Variants in UTRN observed in about 807,000 individuals in gnomAD.
The protein encoded by UTRN is utrophin, also known as dystrophin-related protein 1.
In UTRN, 283 loss-of-function variants were observed where a neutral mutation model predicts 463.9. The ratio of observed to expected loss-of-function variants is 0.61; its 90% CI spans 0.55 to 0.67. The LOEUF is 0.67. Ranked by LOEUF, UTRN falls within the 30% of genes least tolerant of loss-of-function variation. The probability of loss-of-function intolerance (pLI) is 0.00; values close to 1 mark genes in which losing one functional copy is unlikely to be tolerated. For synonymous variants in UTRN, 1,442 were observed against 1,431.5 expected (o/e 1.01, Z -0.17); for missense variants, 3,922 against 4,084.3 (o/e 0.96, Z 1.08).
intron 2 of UTRN, among the ~76,000 whole-genome samples, chr6:144,360,700 T>C (rs1053743261): frequency 6.6e-6 from 1 of 152,178 alleles, no homozygotes; most frequent in African/African-American, 2.4e-5. Flanking sequence ...TAGTATAAAT[T>C]CTCCAGCTCT....
At chr6:144,724,119 T>C (rs534402177) in intron 53 of UTRN, among the ~76,000 whole-genome samples, 1 of 151,694 alleles carries the variant, frequency 6.6e-6, no homozygotes, top group Non-Finnish European at 1.5e-5. Flanking sequence ...CTTGTTGAGA[T>C]AGTATTCCTG....
At position 144,531,137 on chromosome 6, in the gene UTRN, T is replaced by C. The variant is rs1207432709; in HGVS notation, c.5992T>C (p.Leu1998=). Residue 1998 remains leucine (L), a synonymous_variant, in exon 42 of 75, where the codon TTA becomes CTA. Coordinates refer to ENST00000367545, the MANE Select transcript of UTRN (RefSeq NM_007124.3). ...ACAGTGGATAACAGAGGCTGAAGAA[T>C]TACTGGTTGATACCTGTGCTCCAGG... The part of the protein sequence containing the change: ...LTQWITEAEE[L]LVDTCAPGGS... 4 of 1,614,034 alleles carry C rather than the reference T, an allele frequency of 2.5e-6. No homozygotes were observed. The highest frequency in any genetic ancestry group is 1.7e-5 in the Admixed American group (1 of 60,020).
intron 10 of UTRN, among the ~76,000 whole-genome samples, chr6:144,437,310 A>G (rs1786659665): frequency 6.6e-6 from 1 of 152,122 alleles, no homozygotes; most frequent in Admixed American, 6.6e-5. Context: ...CATAGTCAGC[A>G]TTTACTTTAA....
chr6:144,666,827 T>C (rs1780445738), intron 51 of UTRN, among the ~76,000 whole-genome samples: 1 of 152,192 alleles, frequency 6.6e-6, no homozygotes. Context: ...TCATCCTTGG[T>C]TGGGCCAGCT....
chr6:144,557,343 A>G, intron 50 of UTRN, 32 bp downstream of exon 50: 6 of 1,587,152 alleles, frequency 3.8e-6, no homozygotes, highest in Non-Finnish European at 5.2e-6. Context: ...GTAAATGTAT[A>G]TTGTCAAGTT....
intron 51 of UTRN, among the ~76,000 whole-genome samples, chr6:144,618,492 A>C (rs543146780): frequency 6.6e-6 from 1 of 152,262 alleles, no homozygotes; most frequent in South Asian, 2.1e-4. Flanking sequence ...ATGCTTATTT[A>C]TTAGGCATGC....
chr6:144,522,124 A>G lies in UTRN; in HGVS notation c.5686A>G (p.Asn1896Asp). ...ATTATCGCTTAATGTTCCAGAGCTC[A>G]ACACTGCTATTTACGAAGACTTCTC... ...VELSLNVPEL[N>D]TAIYEDFSFQ... The change falls in exon 40 of 75, where the codon AAC (asparagine) becomes GAC (aspartate). Residue 1896 changes from asparagine (N) to aspartate (D), a missense_variant. This residue lies in a region of UTRN where 2,349 missense variants were observed against 2,303.8 expected (regional missense o/e 1.02). Transcript: ENST00000367545. 6.3e-7 allele frequency: 1 copy of G among 1,582,038 alleles called. No individual in the cohort carries two copies.
At chr6:144,343,607 A>G (rs1231255938) in intron 2 of UTRN, among the ~76,000 whole-genome samples, 1 of 152,138 alleles carries the variant, frequency 6.6e-6, no homozygotes, top group Non-Finnish European at 1.5e-5. Flanking sequence ...GGCTGGAAAA[A>G]TTTGTCTAAA....
intron 51 of UTRN, among the ~76,000 whole-genome samples, chr6:144,580,578 C>T (rs1801880670): frequency 6.6e-6 from 1 of 151,958 alleles, no homozygotes; most frequent in South Asian, 2.1e-4. Flanking sequence ...GTTTCATTGC[C>T]CTGCTGCAAG....
chr6:144,433,644 A>G (rs1438391754), intron 9 of UTRN, among the ~76,000 whole-genome samples: 2 of 140,126 alleles, frequency 1.4e-5, no homozygotes, highest in African/African-American at 2.7e-5. Context: ...CCGGGCAGAG[A>G]CGCTCCTCAC....
At chr6:144,780,806 C>A (rs1775763534) in intron 60 of UTRN, among the ~76,000 whole-genome samples, 1 of 152,226 alleles carries the variant, frequency 6.6e-6, no homozygotes, top group South Asian at 2.1e-4. Context: ...ACACTGCAGT[C>A]CACCATTCCT....
At chr6:144,410,210 T>G (rs1351598591) in intron 3 of UTRN, among the ~76,000 whole-genome samples, 1 of 152,196 alleles carries the variant, frequency 6.6e-6, no homozygotes, top group Admixed American at 6.5e-5. Context: ...TTTGATTTTA[T>G]TTACCTTTAC....
At chr6:144,730,853 T>C (rs192284447) in intron 54 of UTRN, among the ~76,000 whole-genome samples, 1 of 151,342 alleles carries the variant, frequency 6.6e-6, no homozygotes, top group Non-Finnish European at 1.5e-5. Context: ...ATAATAAATA[T>C]ACAAAATATT....
At chr6:144,820,849 C>T (rs747863340) in intron 65 of UTRN, 33 bp from the exon 66 acceptor site, 3 of 1,593,790 alleles carry the variant, frequency 1.9e-6, no homozygotes, top group Non-Finnish European at 2.6e-6. Context: ...TTCCATTTTA[C>T]TGAGAGAAGT....
intron 21 of UTRN, among the ~76,000 whole-genome samples, chr6:144,460,171 C>T (rs1459833411): frequency 6.6e-6 from 1 of 151,996 alleles, no homozygotes; most frequent in Non-Finnish European, 1.5e-5. Context: ...AATCATATTC[C>T]ACTGTCAGAT....
chr6:144,337,148 GAGACACACACACAC>G (rs796456791), intron 2 of UTRN, among the ~76,000 whole-genome samples: 244 of 147,400 alleles, frequency 1.7e-3, no homozygotes, highest in Non-Finnish European at 2.6e-3. Flanking sequence ...CTCACACACA[GAGACACACACACAC>G]AGACACACAC....
chr6:144,346,177 C>CAAA lies in UTRN; in HGVS notation c.79+54282_79+54284dup, dbSNP rs5880590. Among the ~76,000 whole-genome samples the CAAA allele has an allele frequency of 3.1e-5, 4 of 128,544 alleles. 1 individual carries two copies. The East Asian group carries it at 6.4e-4, about 21-fold the overall frequency. The allele number at this position is 128,544 out of a possible 152,430, so 84.3% of individuals were successfully genotyped here. On this transcript the variant is annotated intron_variant, in intron 2 of 74. Transcript: ENST00000367545. ...TGGGTGAAAGAGCAAAACTCTGTCTCAAAAAAAAAAAAAATAAAATAAAAA... is the reference window on the plus strand; with the variant it reads ...TGGGTGAAAGAGCAAAACTCTGTCTCAAAAAAAAAAAAAAAAATAAAATAAAAA...
chr6:144,570,521 A>AT (rs143617790), intron 50 of UTRN, among the ~76,000 whole-genome samples: 1 of 152,126 alleles, frequency 6.6e-6, no homozygotes. Flanking sequence ...CAAAATCCAT[A>AT]TTTTTTTACT....
At chr6:144,550,033 C>G (rs1379444594) in intron 47 of UTRN, among the ~76,000 whole-genome samples, 2 of 152,168 alleles carry the variant, frequency 1.3e-5, no homozygotes, top group African/African-American at 4.8e-5. Context: ...ATGCATAAAT[C>G]AAGGCAAAGA....
Sources: gnomAD v4.1 joint callset for allele counts (sites outside exome capture counted in the v4.1 genomes callset) on GRCh38, gnomAD v4.1.1 for gene constraint, gnomAD v4.1.1 regional missense constraint, MANE v1.5 for transcripts, NCBI Gene and HGNC (gene_info 2026-07-23, HGNC 2026-07-21) for gene names.